Variants in CNTNAP2 observed in about 807,000 individuals in gnomAD.
CNTNAP2 encodes contactin associated protein 2, also known as contactin-associated protein-like 2.
In CNTNAP2, 98 loss-of-function variants were observed where a neutral mutation model predicts 155.2. The ratio of observed to expected loss-of-function variants is 0.63; its 90% CI spans 0.54 to 0.75. The LOEUF (loss-of-function observed/expected upper bound fraction) is 0.75, where lower values mean the gene tolerates loss of function less well. Ranked by LOEUF, CNTNAP2 falls within the 30% of genes least tolerant of loss-of-function variation. The pLI is 0.00. For missense variants in CNTNAP2, 1,727 were observed against 1,688.1 expected (o/e 1.02, Z -0.40); for synonymous variants, 651 against 631.2 (o/e 1.03, Z -0.47).
chr7:146,953,885 AT>A (rs1044118574), intron 3 of CNTNAP2, among the ~76,000 whole-genome samples: 4 of 151,988 alleles, frequency 2.6e-5, no homozygotes, highest in Admixed American at 2.6e-4. Context: ...AGGTAAAAAA[AT>A]ATTTATTCTG....
At chr7:146,672,612 A>G (rs1325662323) in intron 1 of CNTNAP2, among the ~76,000 whole-genome samples, 2 of 152,172 alleles carry the variant, frequency 1.3e-5, no homozygotes, top group East Asian at 3.9e-4. Context: ...TTGAAAACAA[A>G]CTGTGTCACT....
chr7:147,384,278 A>G (rs941127761), intron 9 of CNTNAP2, among the ~76,000 whole-genome samples: 1 of 152,216 alleles, frequency 6.6e-6, no homozygotes, highest in Admixed American at 6.5e-5. Context: ...TATATTACAG[A>G]AAAAGTGAAA....
chr7:148,032,299 A>G (rs1802492245), intron 15 of CNTNAP2, among the ~76,000 whole-genome samples: 1 of 152,168 alleles, frequency 6.6e-6, no homozygotes, highest in Admixed American at 6.5e-5. Context: ...CATTTCAAGA[A>G]AATAATAGCG....
intron 13 of CNTNAP2, among the ~76,000 whole-genome samples, chr7:147,897,647 C>A (rs759732406): frequency 1.3e-5 from 2 of 152,284 alleles, no homozygotes; most frequent in East Asian, 1.9e-4. Context: ...AACCATCTAC[C>A]TTTGTCCTCT....
chr7:147,861,468 C>T (rs1192932642), intron 13 of CNTNAP2, among the ~76,000 whole-genome samples: 2 of 152,188 alleles, frequency 1.3e-5, no homozygotes, highest in South Asian at 2.1e-4. Context: ...GCATCCAACA[C>T]ATCCATTGAG....
intron 9 of CNTNAP2, among the ~76,000 whole-genome samples, chr7:147,352,802 T>C (rs898051962): frequency 6.6e-5 from 10 of 151,912 alleles, no homozygotes; most frequent in Non-Finnish European, 1.3e-4. Flanking sequence ...AGGCAGTAGA[T>C]AGATAAAATT....
intron 8 of CNTNAP2, among the ~76,000 whole-genome samples, chr7:147,164,331 A>G (rs916738284): frequency 6.6e-6 from 1 of 152,212 alleles, no homozygotes; most frequent in Non-Finnish European, 1.5e-5. Flanking sequence ...GTAAATGGTG[A>G]CTTGTCTTAC....
chr7:147,189,019 G>A (rs1802626280), intron 8 of CNTNAP2, among the ~76,000 whole-genome samples: 1 of 152,120 alleles, frequency 6.6e-6, no homozygotes, highest in Non-Finnish European at 1.5e-5. Context: ...GAACTCATTT[G>A]CACAGAATTC....
chr7:147,063,362 TA>T (rs35966916), intron 4 of CNTNAP2, among the ~76,000 whole-genome samples: 2 of 151,360 alleles, frequency 1.3e-5, no homozygotes, highest in East Asian at 1.9e-4. Flanking sequence ...ACTTTGTTGG[TA>T]AAAAAAAATG....
intron 5 of CNTNAP2, among the ~76,000 whole-genome samples, chr7:147,120,459 A>G (rs1260862881): frequency 1.3e-5 from 2 of 152,200 alleles, no homozygotes; most frequent in African/African-American, 2.4e-5. Flanking sequence ...CACTGACTTT[A>G]TAACAAACCT....
At chr7:146,349,799 C>A (rs918787909) in intron 1 of CNTNAP2, among the ~76,000 whole-genome samples, 22 of 152,224 alleles carry the variant, frequency 1.4e-4, no homozygotes, top group African/African-American at 5.3e-4. Context: ...TATTGGCCCC[C>A]ACTCTCTTCT....
intron 11 of CNTNAP2, among the ~76,000 whole-genome samples, chr7:147,506,279 G>A (rs1798904506): frequency 6.6e-6 from 1 of 152,098 alleles, no homozygotes; most frequent in Non-Finnish European, 1.5e-5. Context: ...GTTCGAGATG[G>A]AGTTTTGCTC....
At chr7:147,481,338 C>T (rs1440256488) in intron 10 of CNTNAP2, among the ~76,000 whole-genome samples, 1 of 152,156 alleles carries the variant, frequency 6.6e-6, no homozygotes, top group East Asian at 1.9e-4. Flanking sequence ...TACAAACAAA[C>T]AAATCTGGTA....
At chr7:147,743,720 T>G (rs79354636) in intron 13 of CNTNAP2, among the ~76,000 whole-genome samples, 1 of 151,686 alleles carries the variant, frequency 6.6e-6, no homozygotes. Context: ...TCTGAGCAGC[T>G]AGACTGACCT....
chr7:147,857,635 G>C (rs17234350), intron 13 of CNTNAP2, among the ~76,000 whole-genome samples: 2 of 152,198 alleles, frequency 1.3e-5, no homozygotes, highest in Non-Finnish European at 2.9e-5. Context: ...GCTTTCGGTT[G>C]ATTCTTGATG....
intron 1 of CNTNAP2, among the ~76,000 whole-genome samples, chr7:146,399,153 G>A (rs1003750923): frequency 1.3e-5 from 2 of 152,136 alleles, no homozygotes; most frequent in South Asian, 4.1e-4. Flanking sequence ...AAAGCTAATT[G>A]TCATATGCAT....
Position 148,395,716 on chromosome 7 carries a change from G to A in CNTNAP2, c.3715+11828G>A, listed in dbSNP as rs966710674. 2.6e-5 allele frequency among the ~76,000 whole-genome samples: 4 copies of A among 151,996 alleles called. No homozygotes were observed. The East Asian group carries it at 7.7e-4, about 29-fold the overall frequency. ...AGGCCATCCTCTGTGTAGACGGGCTGCTTTCTAGTGGCTCCACAGGCCTGG... is the reference window on the plus strand; with the variant it reads ...AGGCCATCCTCTGTGTAGACGGGCTACTTTCTAGTGGCTCCACAGGCCTGG... On this transcript the variant is annotated intron_variant, in intron 22 of 23. Transcript: ENST00000361727.
At chr7:147,395,983 T>C (rs935646033) in intron 10 of CNTNAP2, among the ~76,000 whole-genome samples, 3 of 149,894 alleles carry the variant, frequency 2.0e-5, no homozygotes, top group African/African-American at 7.3e-5. Context: ...ATATATCATA[T>C]ATCTATCATG....
At chr7:147,561,269 A>T (rs924255751) in intron 11 of CNTNAP2, among the ~76,000 whole-genome samples, 1 of 152,218 alleles carries the variant, frequency 6.6e-6, no homozygotes, top group African/African-American at 2.4e-5. Flanking sequence ...CTGCTTTTGT[A>T]TCAGGTTGAC....
Sources: gnomAD v4.1 joint callset for allele counts (sites outside exome capture counted in the v4.1 genomes callset) on GRCh38, gnomAD v4.1.1 for gene constraint, MANE v1.5 for transcripts, NCBI Gene and HGNC (gene_info 2026-07-23, HGNC 2026-07-21) for gene names.